The following OPN3 variants were observed in gnomAD, a reference collection of about 807,000 sequenced individuals.
The protein encoded by OPN3 is opsin-3.
A neutral mutation model predicts 33.8 loss-of-function variants in OPN3; 29 were observed. The ratio of observed to expected loss-of-function variants is 0.86; its 90% confidence interval spans 0.64 to 1.17. The LOEUF (loss-of-function observed/expected upper bound fraction) is 1.17, where lower values mean the gene tolerates loss of function less well. Ranked by LOEUF, OPN3 falls within the 50% of genes most tolerant of loss-of-function variation. The pLI is 0.00. For synonymous variants in OPN3, 216 were observed against 216.1 expected, an observed-to-expected ratio of 1.00 and a Z score of 0.00; for missense variants, 437 against 514.1, an observed-to-expected ratio of 0.85 and a Z score of 1.45.
At chr1:241,601,706 C>CA (rs1018017371) in intron 2 of OPN3, among the ~76,000 whole-genome samples, 3 of 151,878 alleles carry the variant, frequency 2.0e-5, no homozygotes, top group Non-Finnish European at 4.4e-5. Context: ...AACTTCGTCT[C>CA]AAAAAACAAA....
Position 241,597,826 on chromosome 1 carries a change from T to C in OPN3, c.865A>G (p.Thr289Ala). The change falls in exon 3 of 4, where the codon ACA becomes GCA. Residue 289 changes from threonine to alanine, a missense_variant. Coordinates refer to ENST00000366554, the MANE Select transcript of OPN3 (RefSeq NM_014322.3). ...VNGHGHLVTP[T>A]ISIVSYLFAK... is the part of the protein sequence containing the mutation. ...AAGAGGTACGAAACAATAGATATTG[T>C]TGGAGTGACCAGGTGACCATGACCA... 1 of 1,613,928 alleles carries C rather than the reference T, an allele frequency of 6.2e-7. No homozygotes were observed. Among genetic ancestry groups the C allele is most frequent in the Non-Finnish European group, 8.5e-7 (1 of 1,179,966 alleles).
chr1:241,638,949 C>T lies in OPN3; in HGVS notation c.373+933G>A, dbSNP rs150373579. ...GGAACTTTAAGCCTTGAGAAATACA[C>T]ATTTCTATTTCAAATCTCCCTACAA... On this transcript the variant is annotated intron_variant, in intron 1 of 3. Transcript: ENST00000366554. Among the ~76,000 whole-genome samples the T allele has an allele frequency of 3.5e-3, 540 of 152,284 alleles. 2 individuals carry two copies. The highest frequency in any genetic ancestry group is 0.012 in the African/African-American group (496 of 41,544).
intron 1 of OPN3, among the ~76,000 whole-genome samples, chr1:241,617,327 T>C (rs1664158293): frequency 6.6e-6 from 1 of 152,202 alleles, no homozygotes; most frequent in South Asian, 2.1e-4. Context: ...TTTAATTCTA[T>C]GAAAACATTC....
chr1:241,610,598 A>G (rs1291438563), intron 1 of OPN3, among the ~76,000 whole-genome samples: 1 of 152,250 alleles, frequency 6.6e-6, no homozygotes, highest in Non-Finnish European at 1.5e-5. Context: ...ACTCATTTGC[A>G]ATATTTATCA....
intron 1 of OPN3, among the ~76,000 whole-genome samples, chr1:241,618,385 A>G (rs931218606): frequency 3.3e-5 from 5 of 152,230 alleles, no homozygotes; most frequent in African/African-American, 1.2e-4. Flanking sequence ...GAACGTGAAT[A>G]TCTGTAAGTT....
intron 1 of OPN3, among the ~76,000 whole-genome samples, chr1:241,607,887 A>G (rs1277088796): frequency 6.6e-6 from 1 of 152,224 alleles, no homozygotes; most frequent in Non-Finnish European, 1.5e-5. Flanking sequence ...TATTGGGACA[A>G]TGAAAGTATC....
chr1:241,635,517 C>G, intron 1 of OPN3: 1 of 1,613,968 alleles, frequency 6.2e-7, no homozygotes, highest in South Asian at 1.1e-5. Flanking sequence ...ATGGCTTCTT[C>G]TGTTTCATGG....
At chr1:241,596,005 C>G (rs1663497748) in intron 3 of OPN3, among the ~76,000 whole-genome samples, 1 of 152,108 alleles carries the variant, frequency 6.6e-6, no homozygotes, top group Non-Finnish European at 1.5e-5. Flanking sequence ...AAAGTATGCC[C>G]TTAGGAACCA....
At chr1:241,601,763 AC>A (rs1663683779) in intron 2 of OPN3, among the ~76,000 whole-genome samples, 1 of 152,084 alleles carries the variant, frequency 6.6e-6, no homozygotes, top group South Asian at 2.1e-4. Flanking sequence ...AAACAAAAAA[AC>A]ATGTAAGTGG....
intron 1 of OPN3, 140 bp from the exon 2 acceptor site, chr1:241,604,719 T>A (rs1039368909): frequency 6.5e-5 from 48 of 743,238 alleles, no homozygotes; most frequent in Non-Finnish European, 9.4e-5. Flanking sequence ...AGTAATAGTG[T>A]CTATAGTCCC....
At chr1:241,637,181 A>C (rs1195366948) in intron 1 of OPN3, among the ~76,000 whole-genome samples, 1 of 152,188 alleles carries the variant, frequency 6.6e-6, no homozygotes, top group Non-Finnish European at 1.5e-5. Context: ...ACTACTGTTA[A>C]ACCTACTGAA....
At chr1:241,627,184 G>C (rs759257255) in intron 1 of OPN3, among the ~76,000 whole-genome samples, 14 of 152,152 alleles carry the variant, frequency 9.2e-5, no homozygotes, top group Non-Finnish European at 1.6e-4. Context: ...GATTTCAGGA[G>C]TGAACTTAAC....
chr1:241,620,958 T>C (rs796879743), intron 1 of OPN3, among the ~76,000 whole-genome samples: 9 of 152,084 alleles, frequency 5.9e-5, no homozygotes, highest in African/African-American at 1.9e-4. Flanking sequence ...AAACAGGAAA[T>C]GGACCTCCAT....
In OPN3 at chr1:241,640,351, G is replaced by C; in HGVS notation, c.-97C>G. On this transcript the variant is annotated 5_prime_UTR_variant, in exon 1 of 4. Transcript: ENST00000366554. ...GGGTGGGGTTGGGGCTCCGCCGCCT[G>C]CTCTAGCCATTGTGCACTGAGGGGC... 9.4e-7 allele frequency: 1 copy of C among 1,059,786 alleles called. No individual in the cohort carries two copies. The allele number at this position is 1,059,786 out of a possible 1,614,324, so 65.6% of individuals were successfully genotyped here.
chr1:241,596,282 A>G (rs1473205839), intron 3 of OPN3, among the ~76,000 whole-genome samples: 1 of 152,240 alleles, frequency 6.6e-6, no homozygotes, highest in African/African-American at 2.4e-5. Context: ...AAACCATCTC[A>G]CTAGAAAAAT....
intron 1 of OPN3, among the ~76,000 whole-genome samples, chr1:241,625,590 C>T (rs1664397567): frequency 6.6e-6 from 1 of 152,086 alleles, no homozygotes; most frequent in Non-Finnish European, 1.5e-5. Context: ...ATATTCAAAA[C>T]TTTTGTTTTG....
intron 3 of OPN3, among the ~76,000 whole-genome samples, chr1:241,597,359 T>A (rs1241428098): frequency 6.6e-6 from 1 of 152,240 alleles, no homozygotes; most frequent in South Asian, 2.1e-4. Flanking sequence ...AAACAAGGAA[T>A]AATATTAGTG....
chr1:241,605,834 A>G (rs1663815943), intron 1 of OPN3, among the ~76,000 whole-genome samples: 1 of 152,278 alleles, frequency 6.6e-6, no homozygotes. Context: ...GGAGATGGAA[A>G]GAGAAATTTA....
rs7513451 is a variant in OPN3, at chr1:241,640,356, A to G, written c.-102T>C. 0.68 allele frequency: 714,024 copies of G among 1,048,398 alleles called. 244,951 individuals are homozygous for G. The highest frequency in any genetic ancestry group is 0.88 in the African/African-American group (51,348 of 58,226). The allele number at this position is 1,048,398 out of a possible 1,614,324, so 64.9% of individuals were successfully genotyped here. On this transcript the variant is annotated 5_prime_UTR_variant, in exon 1 of 4. Coordinates refer to ENST00000366554, the MANE Select transcript of OPN3 (RefSeq NM_014322.3). ...GGGTTGGGGCTCCGCCGCCTGCTCT[A>G]GCCATTGTGCACTGAGGGGCCCGCG...
Sources: allele counts gnomAD v4.1 joint callset (sites outside exome capture counted in the v4.1 genomes callset), GRCh38; gene constraint gnomAD v4.1.1; transcripts MANE v1.5; gene names NCBI Gene and HGNC (gene_info 2026-07-23, HGNC 2026-07-21).